Variants in DTNA observed in about 807,000 individuals in gnomAD.
DTNA encodes the protein dystrophin-related protein 3.
In DTNA, 43 loss-of-function variants were observed where a neutral mutation model predicts 100.7. The ratio of observed to expected loss-of-function variants is 0.43; its 90% CI spans 0.33 to 0.55. The LOEUF (loss-of-function observed/expected upper bound fraction) is 0.55. DTNA is among the 20% of genes least tolerant of loss of function. DTNA has a pLI of 0.04. For synonymous variants in DTNA, 349 were observed against 347.9 expected (o/e 1.00, Z -0.04); for missense variants, 798 against 953.9 (o/e 0.84, Z 2.15).
intron 1 of DTNA, among the ~76,000 whole-genome samples, chr18:34,544,447 A>C (rs946373961): frequency 7.9e-5 from 12 of 152,116 alleles, no homozygotes; most frequent in Admixed American, 7.2e-4. Context: ...ACTCAAGAGA[A>C]CCATACTTGG....
chr18:34,496,244 A>ACACACACACACC (rs1367443521), intron 1 of DTNA, among the ~76,000 whole-genome samples: 11 of 147,540 alleles, frequency 7.5e-5, no homozygotes, highest in South Asian at 6.6e-4. Flanking sequence ...ACACACACAC[A>ACACACACACACC]CCAGAATTAT....
At chr18:34,768,565 T>A (rs1431118461) in intron 3 of DTNA, among the ~76,000 whole-genome samples, 1 of 152,174 alleles carries the variant, frequency 6.6e-6, no homozygotes, top group Admixed American at 6.5e-5. Flanking sequence ...TTCCTCTTTC[T>A]GTTCTTTTCT....
chr18:34,742,370 A>G (rs1210207464), intron 1 of DTNA, among the ~76,000 whole-genome samples: 2 of 152,154 alleles, frequency 1.3e-5, no homozygotes, highest in Admixed American at 6.5e-5. Flanking sequence ...TGGAAGCTCT[A>G]GAGGAGAGCC....
intron 1 of DTNA, among the ~76,000 whole-genome samples, chr18:34,609,892 TAACA>T (rs927327020): frequency 2.6e-5 from 4 of 152,194 alleles, no homozygotes; most frequent in East Asian, 3.8e-4. Context: ...CAAGAATGAT[TAACA>T]AACCAATTAA....
At chr18:34,615,060 G>A (rs1247485313) in intron 1 of DTNA, among the ~76,000 whole-genome samples, 1 of 152,180 alleles carries the variant, frequency 6.6e-6, no homozygotes, top group African/African-American at 2.4e-5. Flanking sequence ...TAATTTATAA[G>A]AAAAGAGGTT....
rs539070178 is a variant in DTNA, at chr18:34,821,185, T to C, written c.1001+270T>C. The C allele has an allele frequency of 1.5e-4, 90 of 582,364 alleles. No homozygotes were observed. In the East Asian group the frequency reaches 3.5e-3, roughly 23 times the overall value. 36.1% of individuals were successfully genotyped at this position (582,364 alleles called of 1,614,324 possible). On this transcript the variant is annotated intron_variant, in intron 9 of 22. Transcript: ENST00000444659. The stretch of plus-strand genomic sequence containing the variant: ...AAAGCTTAGTTATAAAATACGGATG[T>C]TAGTGGTGTCTGCACATTGGAAGTT...
At chr18:34,503,735 T>A (rs1345957058) in intron 1 of DTNA, among the ~76,000 whole-genome samples, 2 of 151,736 alleles carry the variant, frequency 1.3e-5, no homozygotes, top group South Asian at 2.1e-4. Context: ...ATTTCACTGT[T>A]TTTTTTTTCC....
intron 17 of DTNA, chr18:34,867,522 A>G (rs1018184308): frequency 2.7e-5 from 31 of 1,168,420 alleles, no homozygotes; most frequent in Non-Finnish European, 2.7e-5. Flanking sequence ...TGCCTTCTTC[A>G]TGATACTTCT....
intron 1 of DTNA, chr18:34,737,918 G>T (rs1001995820): frequency 6.6e-6 from 1 of 152,074 alleles, no homozygotes; most frequent in Non-Finnish European, 1.5e-5. Context: ...ACAATTTCAT[G>T]AAGATTTTAT....
intron 15 of DTNA, among the ~76,000 whole-genome samples, chr18:34,857,439 T>C (rs892515004): frequency 5.3e-5 from 8 of 152,184 alleles, no homozygotes; most frequent in Non-Finnish European, 1.0e-4. Context: ...CTCCCAAGAA[T>C]ACATGACTTA....
chr18:34,541,944 CCTT>C (rs1169561360), intron 1 of DTNA, among the ~76,000 whole-genome samples: 1 of 151,910 alleles, frequency 6.6e-6, no homozygotes, highest in African/African-American at 2.4e-5. Flanking sequence ...ATTAATGCCT[CCTT>C]CTTGGGAATA....
chr18:34,519,200 A>G (rs2041941918), intron 1 of DTNA, among the ~76,000 whole-genome samples: 1 of 152,206 alleles, frequency 6.6e-6, no homozygotes, highest in African/African-American at 2.4e-5. Context: ...GAACTGTCCT[A>G]GTAATTGTTT....
At chr18:34,561,512 T>C (rs186599857) in intron 1 of DTNA, among the ~76,000 whole-genome samples, 1 of 152,226 alleles carries the variant, frequency 6.6e-6, no homozygotes, top group East Asian at 1.9e-4. Flanking sequence ...CACAGTTGAG[T>C]TGAAAAAAAG....
At chr18:34,825,396 T>G in intron 9 of DTNA, 1 of 1,244,878 alleles carries the variant, frequency 8.0e-7, no homozygotes. Flanking sequence ...CTTCTTATGC[T>G]GTACACTCAG....
At chr18:34,602,720 C>A (rs1156995587) in intron 1 of DTNA, among the ~76,000 whole-genome samples, 2 of 151,210 alleles carry the variant, frequency 1.3e-5, no homozygotes, top group African/African-American at 4.9e-5. Flanking sequence ...AACAAACAAA[C>A]AAAAAAAGAG....
chr18:34,591,715 T>A (rs756099010), intron 1 of DTNA, among the ~76,000 whole-genome samples: 1 of 152,200 alleles, frequency 6.6e-6, no homozygotes, highest in Non-Finnish European at 1.5e-5. Context: ...GCCTGCAGTT[T>A]CCCTAAGAAA....
intron 1 of DTNA, among the ~76,000 whole-genome samples, chr18:34,584,892 A>T (rs2048977495): frequency 6.6e-6 from 1 of 152,232 alleles, no homozygotes; most frequent in African/African-American, 2.4e-5. Context: ...AAATAAAATG[A>T]ATCGGGAAAC....
chr18:34,818,291 T>C lies in DTNA; in HGVS notation c.837T>C (p.Ser279=). The C allele has an allele frequency of 6.2e-7, 1 of 1,614,014 alleles. No homozygotes were observed. Among genetic ancestry groups the C allele is most frequent in the Non-Finnish European group, 8.5e-7 (1 of 1,179,948 alleles). Residue 279 remains serine, a synonymous_variant, in exon 8 of 23, where the codon TCT becomes TCC. Coordinates refer to ENST00000444659, the MANE Select transcript of DTNA (RefSeq NM_001386795.1). Reference sequence around the variant, plus strand: ...TCTGGAGGGGACATGCCGGTGGTTCTCATAGCAACCAGCACCAAATGAAAG... The same window carrying C: ...TCTGGAGGGGACATGCCGGTGGTTCCCATAGCAACCAGCACCAAATGAAAG... The part of the protein sequence containing the change: ...DCFWRGHAGG[S]HSNQHQMKEY...
In DTNA at chr18:34,766,049, T is replaced by G; in HGVS notation, c.148+8T>G. 6.2e-7 allele frequency: 1 copy of G among 1,613,518 alleles called. No homozygotes were observed. Among genetic ancestry groups the G allele is most frequent in the Non-Finnish European group, 8.5e-7 (1 of 1,179,552 alleles). On this transcript the variant is annotated splice_region_variant and intron_variant, in intron 3 of 22. Transcript: ENST00000444659. ...TTCAGAAGAAATGCAATTGTAAGTA[T>G]GCCAGTTGTTTGGACTAATTACCAT...
Sources: gnomAD v4.1 joint callset for allele counts (sites outside exome capture counted in the v4.1 genomes callset) on GRCh38, gnomAD v4.1.1 for gene constraint, MANE v1.5 for transcripts, NCBI Gene and HGNC (gene_info 2026-07-23, HGNC 2026-07-21) for gene names.